EXT2: variants seen among roughly 807,000 people sequenced by gnomAD.
EXT2 encodes the protein exostosin glycosyltransferase 2, also known as exostosin-2.
A neutral mutation model predicts 81.6 loss-of-function variants in EXT2; 53 were observed. That is an observed-to-expected ratio of 0.65 (90% confidence interval 0.52 to 0.82). EXT2 has a LOEUF of 0.82. Ranked by LOEUF, EXT2 falls within the 40% of genes least tolerant of loss-of-function variation. EXT2 has a pLI of 0.00. For missense variants in EXT2, 774 were observed against 910.2 expected, an observed-to-expected ratio of 0.85 and a Z score of 1.93; for synonymous variants, 320 against 340.0, an observed-to-expected ratio of 0.94 and a Z score of 0.65.
rs182849461 is a variant in EXT2, at chr11:44,238,749, A to G, written c.2018+2374A>G. 2.8e-4 allele frequency among the ~76,000 whole-genome samples: 43 copies of G among 152,276 alleles called. No homozygotes were observed. The Middle Eastern group carries it at 0.017, about 60-fold the overall frequency. ...AATCACTAGGATCCCAACTAGTAAAACCCTGGGCCAGAATCAGAGACTCTC... is the reference window on the plus strand; with the variant it reads ...AATCACTAGGATCCCAACTAGTAAAGCCCTGGGCCAGAATCAGAGACTCTC... On this transcript the variant is annotated intron_variant, in intron 13 of 13. Coordinates refer to ENST00000533608, the MANE Select transcript of EXT2 (RefSeq NM_207122.2).
At chr11:44,113,961 G>A (rs2134983251) in intron 3 of EXT2, among the ~76,000 whole-genome samples, 1 of 152,230 alleles carries the variant, frequency 6.6e-6, no homozygotes, top group African/African-American at 2.4e-5. Context: ...TGGGAAGTAA[G>A]GAAAGGGTAT....
At chr11:44,127,820 T>C (rs1009424016) in intron 6 of EXT2, among the ~76,000 whole-genome samples, 6 of 152,204 alleles carry the variant, frequency 3.9e-5, no homozygotes, top group Non-Finnish European at 8.8e-5. Flanking sequence ...ATTTGCATAA[T>C]GTTGTAGATG....
chr11:44,195,579 A>G (rs993380599), intron 8 of EXT2, among the ~76,000 whole-genome samples: 9 of 152,196 alleles, frequency 5.9e-5, no homozygotes, highest in Admixed American at 2.0e-4. Context: ...TTGAGTTTCC[A>G]TCCCATATGT....
chr11:44,109,106 G>A (rs1186884162), intron 2 of EXT2, 88 bp from the exon 3 acceptor site: 23 of 1,433,882 alleles, frequency 1.6e-5, no homozygotes, highest in Non-Finnish European at 2.2e-5. Context: ...TTGGGCTTGG[G>A]GATCCTTGAT....
chr11:44,202,286 T>C (rs16937857), intron 9 of EXT2, among the ~76,000 whole-genome samples: 1 of 152,180 alleles, frequency 6.6e-6, no homozygotes, highest in Admixed American at 6.5e-5. Flanking sequence ...AGATGAACAG[T>C]GCGGAAAGCT....
At chr11:44,133,723 C>T (rs1010488987) in intron 7 of EXT2, among the ~76,000 whole-genome samples, 1 of 152,144 alleles carries the variant, frequency 6.6e-6, no homozygotes, top group South Asian at 2.1e-4. Context: ...GGATTTTACT[C>T]TCCCTAGATG....
Position 44,197,853 on chromosome 11 carries a change from C to T in EXT2, c.1330C>T (p.Leu444Phe). The change falls in exon 9 of 14, where the codon CTC becomes TTC. Residue 444 changes from leucine (L) to phenylalanine (F), a missense_variant. Around this residue, in one of 2 missense-constraint regions of EXT2, gnomAD observed 626 missense variants for 670.5 expected, o/e 0.93. Transcript: ENST00000533608. Reference protein sequence around the residue: ...AVKWGSVSNPLFLPLIPPQSQ... With the variant: ...AVKWGSVSNPFFLPLIPPQSQ... ...GAAGTGGGGCAGCGTGAGCAATCCA[C>T]TCTTCCTCCCGCTGATCCCACCACA... 3 of 1,614,084 alleles carry T rather than the reference C, an allele frequency of 1.9e-6. No individual in the cohort carries two copies. Among genetic ancestry groups the T allele is most frequent in the Non-Finnish European group, 2.5e-6 (3 of 1,179,960 alleles).
intron 4 of EXT2, among the ~76,000 whole-genome samples, chr11:44,122,622 G>A (rs1954334692): frequency 6.6e-6 from 1 of 152,208 alleles, no homozygotes; most frequent in Admixed American, 6.5e-5. Flanking sequence ...TGTAATTTAG[G>A]AGGAAATGGG....
intron 5 of EXT2, among the ~76,000 whole-genome samples, chr11:44,125,332 T>C (rs2135016705): frequency 6.6e-6 from 1 of 152,338 alleles, no homozygotes; most frequent in African/African-American, 2.4e-5. Context: ...AGAGAAATTT[T>C]CTTCTTTGAG....
At chr11:44,126,141 G>A (rs951970601) in intron 5 of EXT2, among the ~76,000 whole-genome samples, 5 of 152,186 alleles carry the variant, frequency 3.3e-5, no homozygotes, top group Non-Finnish European at 7.3e-5. Flanking sequence ...TATTGCAGCT[G>A]TTTTTTCTGT....
At chr11:44,198,227 G>A (rs995092267) in intron 9 of EXT2, 2 of 607,182 alleles carry the variant, frequency 3.3e-6, no homozygotes, top group African/African-American at 3.7e-5. Context: ...ACAAGTGTTT[G>A]AGGGCTTAGG....
intron 7 of EXT2, among the ~76,000 whole-genome samples, chr11:44,134,513 G>A (rs1954538384): frequency 6.6e-6 from 1 of 152,144 alleles, no homozygotes; most frequent in African/African-American, 2.4e-5. Context: ...GCCTTGAGAT[G>A]GGAGTTCCAT....
At chr11:44,162,917 A>G (rs980957190) in intron 7 of EXT2, among the ~76,000 whole-genome samples, 3 of 152,236 alleles carry the variant, frequency 2.0e-5, no homozygotes, top group Non-Finnish European at 2.9e-5. Context: ...TTTACATACA[A>G]CTAAATTAAC....
At chr11:44,096,066 TCTC>T (rs1953890205) in intron 1 of EXT2, 1 of 666,890 alleles carries the variant, frequency 1.5e-6, no homozygotes, top group South Asian at 1.6e-5. Context: ...CACTCCTGCT[TCTC>T]CTTCTCCTCC....
intron 7 of EXT2, chr11:44,144,175 AC>A: frequency 7.5e-7 from 1 of 1,336,654 alleles, no homozygotes; most frequent in Admixed American, 1.7e-5. Context: ...TAGCTAGTTG[AC>A]CCAAGTTGTG....
At chr11:44,195,214 C>G (rs1439513242) in intron 8 of EXT2, among the ~76,000 whole-genome samples, 1 of 152,068 alleles carries the variant, frequency 6.6e-6, no homozygotes, top group Admixed American at 6.6e-5. Flanking sequence ...GCAGGTGGAT[C>G]ACCTGAGGTC....
At chr11:44,189,395 T>C (rs893120317) in intron 8 of EXT2, among the ~76,000 whole-genome samples, 1 of 152,228 alleles carries the variant, frequency 6.6e-6, no homozygotes, top group Non-Finnish European at 1.5e-5. Flanking sequence ...CTCACATCAC[T>C]GTAGAGAATT....
At position 44,251,223 on chromosome 11, in the gene EXT2, G is replaced by T. The variant is rs1018958047; in HGVS notation, c.*6936G>T. Among the ~76,000 whole-genome samples, 6 of 151,934 alleles carry T rather than the reference G, an allele frequency of 3.9e-5. No individual in the cohort carries two copies. The highest frequency in any genetic ancestry group is 1.2e-4 in the African/African-American group (5 of 41,334). On this transcript the variant is annotated 3_prime_UTR_variant, in exon 14 of 14. Transcript: ENST00000533608. ...TTTTCATAGCACCTTCCAGTTGCCA[G>T]TTGTACCCTGGCCCTTCTTTGGAAG...
chr11:44,205,087 A>G (rs1325096991), intron 9 of EXT2, among the ~76,000 whole-genome samples: 5 of 152,244 alleles, frequency 3.3e-5, no homozygotes, highest in Admixed American at 1.3e-4. Flanking sequence ...AGGTTCAAAT[A>G]CTAGCCTTAT....
Sources: gnomAD v4.1 joint callset for allele counts (sites outside exome capture counted in the v4.1 genomes callset) on GRCh38, gnomAD v4.1.1 for gene constraint, gnomAD v4.1.1 regional missense constraint, MANE v1.5 for transcripts, NCBI Gene and HGNC (gene_info 2026-07-23, HGNC 2026-07-21) for gene names.